CCDC192: variants seen among roughly 807,000 people sequenced by gnomAD.
The protein encoded by CCDC192 is coiled-coil domain containing 192, also known as coiled-coil domain-containing protein 192.
intron 2 of CCDC192, among the ~76,000 whole-genome samples, chr5:127,743,095 A>T (rs1024417742): frequency 2.0e-5 from 3 of 152,056 alleles, no homozygotes; most frequent in African/African-American, 7.2e-5. Context: ...AGAGACACAG[A>T]CAGGAGAAGA....
intron 5 of CCDC192, among the ~76,000 whole-genome samples, chr5:127,836,297 C>T (rs1750033007): frequency 6.6e-6 from 1 of 152,212 alleles, no homozygotes; most frequent in African/African-American, 2.4e-5. Flanking sequence ...GCAGCTCCAC[C>T]CCTGTGGCTT....
chr5:127,885,072 T>C (rs1752512553), intron 6 of CCDC192, among the ~76,000 whole-genome samples: 1 of 151,736 alleles, frequency 6.6e-6, no homozygotes, highest in Admixed American at 6.6e-5. Flanking sequence ...TGGTGTTCCC[T>C]TCCTTCTGTC....
intron 5 of CCDC192, among the ~76,000 whole-genome samples, chr5:127,862,581 G>A (rs970862497): frequency 2.6e-5 from 4 of 152,174 alleles, no homozygotes; most frequent in East Asian, 1.9e-4. Context: ...TAGAGCATGC[G>A]TATTTTTAAG....
At chr5:127,895,284 A>G (rs983254972) in intron 6 of CCDC192, among the ~76,000 whole-genome samples, 1 of 152,152 alleles carries the variant, frequency 6.6e-6, no homozygotes, top group Non-Finnish European at 1.5e-5. Flanking sequence ...ATGGGATTAC[A>G]CAGGCCGATT....
chr5:127,908,348 G>T (rs751789668), intron 6 of CCDC192, among the ~76,000 whole-genome samples: 12 of 152,128 alleles, frequency 7.9e-5, no homozygotes, highest in Non-Finnish European at 1.2e-4. Context: ...GAGGTCTACA[G>T]GTTCTTACTC....
At chr5:127,705,156 T>G (rs552731934) in intron 1 of CCDC192, among the ~76,000 whole-genome samples, 3 of 152,358 alleles carry the variant, frequency 2.0e-5, no homozygotes, top group Admixed American at 6.5e-5. Flanking sequence ...TGTCTTTATC[T>G]CAAAGCTAAT....
At chr5:127,726,954 T>G (rs1308008897) in intron 2 of CCDC192, among the ~76,000 whole-genome samples, 1 of 152,204 alleles carries the variant, frequency 6.6e-6, no homozygotes, top group African/African-American at 2.4e-5. Flanking sequence ...GGTGAGACCC[T>G]ACAACAGTGG....
In CCDC192 at chr5:127,930,237, C is replaced by G. The variant is rs62375892; in HGVS notation, c.536-10945C>G. ...CTAAACTAAACTAAACTAAAGTAAA[C>G]TAAACTAAACTAAACTAAAATAAAA... On this transcript the variant is annotated intron_variant, in intron 6 of 6. Transcript: ENST00000514853. Among the ~76,000 whole-genome samples the G allele has an allele frequency of 3.3e-3, 20 of 6,088 alleles. 1 individual carries two copies. The South Asian group carries it at 0.067, about 20-fold the overall frequency. The allele number at this position is 6,088 out of a possible 152,430, so 4.0% of individuals were successfully genotyped here.
At chr5:127,739,532 G>A (rs566933816) in intron 2 of CCDC192, 52 of 162,136 alleles carry the variant, frequency 3.2e-4, no homozygotes, top group Admixed American at 7.1e-4. Context: ...CCCCAGCCTC[G>A]CTGCCGCCTT....
intron 3 of CCDC192, among the ~76,000 whole-genome samples, chr5:127,768,684 A>G (rs1445668852): frequency 6.6e-6 from 1 of 152,218 alleles, no homozygotes; most frequent in Non-Finnish European, 1.5e-5. Context: ...TAAACCTAGA[A>G]ATGACTACAA....
intron 3 of CCDC192, among the ~76,000 whole-genome samples, chr5:127,775,635 CAT>C (rs1755814286): frequency 6.6e-6 from 1 of 152,156 alleles, no homozygotes; most frequent in Non-Finnish European, 1.5e-5. Context: ...TGTATAGAAA[CAT>C]AAACTGACTT....
At chr5:127,829,307 T>C (rs1226479393) in intron 5 of CCDC192, among the ~76,000 whole-genome samples, 2 of 152,240 alleles carry the variant, frequency 1.3e-5, no homozygotes, top group African/African-American at 4.8e-5. Context: ...GGAAACTGTT[T>C]TAAATACAAG....
At chr5:127,766,608 T>TAA (rs548715145) in intron 3 of CCDC192, among the ~76,000 whole-genome samples, 41 of 98,972 alleles carry the variant, frequency 4.1e-4, no homozygotes, top group African/African-American at 5.8e-4. Context: ...ACGTCCTGTG[T>TAA]AAAAAAAAAA....
intron 5 of CCDC192, among the ~76,000 whole-genome samples, chr5:127,872,149 C>A (rs1751889447): frequency 6.6e-6 from 1 of 151,962 alleles, no homozygotes; most frequent in South Asian, 2.1e-4. Flanking sequence ...GCAGTTCTTT[C>A]TGGAGAAAAG....
chr5:127,842,838 G>A (rs1750348482), intron 5 of CCDC192, among the ~76,000 whole-genome samples: 1 of 151,994 alleles, frequency 6.6e-6, no homozygotes, highest in Non-Finnish European at 1.5e-5. Flanking sequence ...TCTGGATGAG[G>A]AAACAATCAA....
chr5:127,806,804 AT>A (rs1757812368), intron 5 of CCDC192, among the ~76,000 whole-genome samples: 4 of 152,194 alleles, frequency 2.6e-5, no homozygotes, highest in African/African-American at 9.6e-5. Context: ...TAGAAATCAT[AT>A]TTTTATTGTT....
At chr5:127,764,714 A>G (rs1170942906) in intron 3 of CCDC192, among the ~76,000 whole-genome samples, 2 of 152,130 alleles carry the variant, frequency 1.3e-5, no homozygotes, top group East Asian at 3.8e-4. Context: ...AAAATACATT[A>G]ACACTAAGAA....
At chr5:127,883,153 T>C (rs1752422405) in intron 6 of CCDC192, among the ~76,000 whole-genome samples, 1 of 152,214 alleles carries the variant, frequency 6.6e-6, no homozygotes, top group African/African-American at 2.4e-5. Context: ...CTCTACTATG[T>C]CCAAGGGTGC....
chr5:127,844,543 G>T (rs1430948991), intron 5 of CCDC192, among the ~76,000 whole-genome samples: 1 of 152,178 alleles, frequency 6.6e-6, no homozygotes, highest in Non-Finnish European at 1.5e-5. Context: ...CCTTGTGAGG[G>T]TGTCTGCTCC....
Sources: allele counts gnomAD v4.1 joint callset (sites outside exome capture counted in the v4.1 genomes callset), GRCh38; gene constraint gnomAD v4.1.1; transcripts MANE v1.5; gene names NCBI Gene and HGNC (gene_info 2026-07-23, HGNC 2026-07-21).